The following RIC3 variants were observed in gnomAD, a reference collection of about 807,000 sequenced individuals.
RIC3 encodes the protein RIC3 acetylcholine receptor chaperone.
RIC3 carries 28 observed loss-of-function variants against 27.3 expected under a neutral mutation model. The ratio of observed to expected loss-of-function variants is 1.02; its 90% confidence interval spans 0.76 to 1.41. The LOEUF is 1.41. Among genes scored for constraint, RIC3 ranks in the 40% most tolerant of loss-of-function variants. RIC3 has a pLI of 0.00. For synonymous variants in RIC3, 184 were observed against 160.4 expected (o/e 1.15, Z -1.11); for missense variants, 501 against 444.7 (o/e 1.13, Z -1.14).
downstream of RIC3, chr11:8,101,124 A>C (rs1228304152): frequency 8.6e-7 from 1 of 1,162,208 alleles, no homozygotes; most frequent in Non-Finnish European, 1.2e-6. Context: ...AGCTAAGGTT[A>C]GATGTATGGA....
chr11:8,132,332 A>T (rs1947836864), intron 4 of RIC3, among the ~76,000 whole-genome samples: 1 of 152,216 alleles, frequency 6.6e-6, no homozygotes, highest in Non-Finnish European at 1.5e-5. Context: ...TATTACTATA[A>T]GAGTTATTTT....
the RIC3 span, chr11:8,100,654 G>A: frequency 6.3e-7 from 1 of 1,577,542 alleles, no homozygotes; most frequent in Admixed American, 1.7e-5. Flanking sequence ...GTCTCTGCAT[G>A]AGCTTCTAAG....
intron 5 of RIC3, among the ~76,000 whole-genome samples, chr11:8,113,309 G>A (rs1321784553): frequency 3.3e-5 from 5 of 152,166 alleles, no homozygotes; most frequent in Admixed American, 1.3e-4. Flanking sequence ...TAAGAGGGAA[G>A]GTCACCCAGA....
rs1383715463 is a variant in RIC3, at chr11:8,108,054, C to T, written c.*2644G>A. On this transcript the variant is annotated 3_prime_UTR_variant, in exon 6 of 6. Transcript: ENST00000309737. ...CTAAATCCTAAATAACTGAAAGGTA[C>T]ATCCAAATGTCTGATATATAAATAC... The T allele has an allele frequency of 6.6e-6, 1 of 152,188 alleles. No individual in the cohort carries two copies. The highest frequency in any genetic ancestry group is 1.5e-5 in the Non-Finnish European group (1 of 68,032). 9.4% of individuals were successfully genotyped at this position (152,188 alleles called of 1,614,324 possible). A position where few individuals can be genotyped will look rare whatever the true frequency, so the allele number is the denominator to read the frequency against.
Position 8,169,024 on chromosome 11 carries a change from C to G in RIC3, c.-35G>C. ...CGGTGGTCGCAGGTGCAGACGCCAG[C>G]CGGAACCGGAACCGGAACCGGAGCA... On this transcript the variant is annotated 5_prime_UTR_variant, in exon 1 of 6. Coordinates refer to ENST00000309737, the MANE Select transcript of RIC3 (RefSeq NM_001206671.4). 6.6e-7 allele frequency: 1 copy of G among 1,511,812 alleles called. No homozygotes were observed. Among genetic ancestry groups the G allele is most frequent in the Non-Finnish European group, 8.8e-7 (1 of 1,139,674 alleles). The allele number at this position is 1,511,812 out of a possible 1,614,324, so 93.6% of individuals were successfully genotyped here.
At chr11:8,131,028 A>C (rs1475435103) in intron 4 of RIC3, among the ~76,000 whole-genome samples, 5 of 152,342 alleles carry the variant, frequency 3.3e-5, no homozygotes, top group Middle Eastern at 3.4e-3. Context: ...TGGAAAACAG[A>C]AAGAAAACCG....
chr11:8,094,049 A>C, the RIC3 span: 3 of 1,614,144 alleles, frequency 1.9e-6, no homozygotes, highest in Non-Finnish European at 2.5e-6. Flanking sequence ...TGAGCAGTTC[A>C]AGAGGCCGAC....
At chr11:8,119,395 T>C (rs1203694293) in intron 5 of RIC3, among the ~76,000 whole-genome samples, 1 of 151,958 alleles carries the variant, frequency 6.6e-6, no homozygotes. Context: ...ACACCACACA[T>C]CTACAACTAT....
chr11:8,099,379 C>T, the RIC3 span, among the ~76,000 whole-genome samples: 1 of 152,126 alleles, frequency 6.6e-6, no homozygotes, highest in Non-Finnish European at 1.5e-5. Flanking sequence ...CCCCTTTGAA[C>T]CTTTTTCTTC....
rs1949142469 is a variant in RIC3 at position 8,142,109 on chromosome 11, T to G, written c.125-1916A>C. 2.7e-5 allele frequency among the ~76,000 whole-genome samples: 4 copies of G among 146,472 alleles called. No homozygotes were observed. The South Asian group carries it at 8.9e-4, about 33-fold the overall frequency. On this transcript the variant is annotated intron_variant, in intron 1 of 5. Coordinates refer to ENST00000309737, the MANE Select transcript of RIC3 (RefSeq NM_001206671.4). ...AAAATTGACACCCTAACATCACAAT[T>G]AAAAGAACTAGAAAAGCAAGAGCAA... is the stretch of plus-strand genomic sequence containing the variant.
In RIC3 at chr11:8,110,537, T is replaced by C; in HGVS notation, c.*161A>G. Reference sequence around the variant, plus strand: ...TCCGTGTTTTACAAGGTGACAGGTGTGTGAGCACCAGGAAGGATACATGAT... The same window carrying C: ...TCCGTGTTTTACAAGGTGACAGGTGCGTGAGCACCAGGAAGGATACATGAT... On this transcript the variant is annotated 3_prime_UTR_variant, in exon 6 of 6. Coordinates refer to ENST00000309737, the MANE Select transcript of RIC3 (RefSeq NM_001206671.4). The C allele has an allele frequency of 1.4e-6, 1 of 724,714 alleles. No homozygotes were observed. The highest frequency in any genetic ancestry group is 2.5e-6 in the Non-Finnish European group (1 of 403,960). The allele number at this position is 724,714 out of a possible 1,614,324, so 44.9% of individuals were successfully genotyped here.
intron 4 of RIC3, among the ~76,000 whole-genome samples, chr11:8,131,531 A>G (rs184871247): frequency 5.9e-5 from 9 of 152,322 alleles, no homozygotes; most frequent in African/African-American, 1.7e-4. Context: ...GGCTCTATAT[A>G]TAGAGGTCAG....
At position 8,107,785 on chromosome 11, in the gene RIC3, T is replaced by A. The variant is rs1944834933; in HGVS notation, c.*2913A>T. 6.6e-6 allele frequency: 1 copy of A among 152,240 alleles called. No homozygotes were observed. The allele number at this position is 152,240 out of a possible 1,614,324, so 9.4% of individuals were successfully genotyped here. On this transcript the variant is annotated 3_prime_UTR_variant, in exon 6 of 6. Coordinates refer to ENST00000309737, the MANE Select transcript of RIC3 (RefSeq NM_001206671.4). ...ATTTACCAAGAGTGATCCCAGATTA[T>A]GCAGTTGTTTTGTGAGCTAACTGTC...
intron 4 of RIC3, among the ~76,000 whole-genome samples, chr11:8,134,565 C>T (rs1426877178): frequency 1.1e-4 from 16 of 152,170 alleles, no homozygotes; most frequent in African/African-American, 2.7e-4. Flanking sequence ...CCTGAGGAAT[C>T]GTCACACTGT....
downstream of RIC3, chr11:8,104,348 T>G (rs1026194396): frequency 2.6e-5 from 4 of 152,292 alleles, no homozygotes; most frequent in African/African-American, 9.6e-5. Flanking sequence ...TGCAGAGTGG[T>G]GAAGTTCACT....
chr11:8,138,757 G>C, intron 2 of RIC3: 1 of 226,936 alleles, frequency 4.4e-6, no homozygotes, highest in Non-Finnish European at 8.3e-6. Context: ...GTCAAAGCAA[G>C]CATGAGGTCA....
Position 8,107,886 on chromosome 11 carries a change from G to C in RIC3, c.*2812C>G, listed in dbSNP as rs4758293. On this transcript the variant is annotated 3_prime_UTR_variant, in exon 6 of 6. Transcript: ENST00000309737. ...CTGATCAAGTTCCCAGCACCCTCGTGAGAAATGAAGACCGCAAGAAAAGAG... is the reference window on the plus strand; with the variant it reads ...CTGATCAAGTTCCCAGCACCCTCGTCAGAAATGAAGACCGCAAGAAAAGAG... The C allele has an allele frequency of 0.064, 9,677 of 152,234 alleles. 384 individuals carry two copies. The highest frequency in any genetic ancestry group is 0.096 in the South Asian group (460 of 4,814). The allele number at this position is 152,234 out of a possible 1,614,324, so 9.4% of individuals were successfully genotyped here.
intron 1 of RIC3, among the ~76,000 whole-genome samples, chr11:8,146,475 A>T (rs1949692354): frequency 6.6e-6 from 1 of 152,244 alleles, no homozygotes; most frequent in South Asian, 2.1e-4. Flanking sequence ...TTGCACTAAC[A>T]AAGTTAATAA....
At position 8,111,156 on chromosome 11, in the gene RIC3, C is replaced by T; in HGVS notation, c.671-19G>A. The stretch of plus-strand genomic sequence containing the variant: ...GGGTAACCTAGAGAGAAAAGTAGCA[C>T]AAAGTATTACAAAGAATGTCTCCTC... On this transcript the variant is annotated intron_variant, in intron 5 of 5. Transcript: ENST00000309737. 6.9e-7 allele frequency: 1 copy of T among 1,447,530 alleles called. No homozygotes were observed. Among genetic ancestry groups the T allele is most frequent in the Non-Finnish European group, 9.3e-7 (1 of 1,075,132 alleles). The allele number at this position is 1,447,530 out of a possible 1,614,324, so 89.7% of individuals were successfully genotyped here. A position where few individuals can be genotyped will look rare whatever the true frequency, so the allele number is the denominator to read the frequency against.
Sources: allele counts gnomAD v4.1 joint callset (sites outside exome capture counted in the v4.1 genomes callset), GRCh38; gene constraint gnomAD v4.1.1; transcripts MANE v1.5; gene names NCBI Gene and HGNC (gene_info 2026-07-23, HGNC 2026-07-21).